The following NMT2 variants were observed in gnomAD, a reference collection of about 807,000 sequenced individuals.
The protein encoded by NMT2 is glycylpeptide N-tetradecanoyltransferase 2.
In NMT2, 35 loss-of-function variants were observed where a neutral mutation model predicts 65.4. The observed-to-expected ratio is 0.54, with a 90% CI of 0.41 to 0.71. NMT2 has a LOEUF of 0.71. NMT2 is among the 30% of genes least tolerant of loss of function. NMT2 has a pLI of 0.00. For synonymous variants in NMT2, 226 were observed against 231.8 expected, an observed-to-expected ratio of 0.98 and a Z score of 0.23; for missense variants, 489 against 611.3, an observed-to-expected ratio of 0.80 and a Z score of 2.11.
At chr10:15,148,293 T>C (rs750837118) in intron 1 of NMT2, among the ~76,000 whole-genome samples, 3 of 152,194 alleles carry the variant, frequency 2.0e-5, no homozygotes, top group Non-Finnish European at 2.9e-5. Context: ...GAGGGCTGCT[T>C]GAGTCCAGGA....
intron 8 of NMT2, among the ~76,000 whole-genome samples, chr10:15,126,120 G>A (rs949273037): frequency 1.3e-5 from 2 of 151,666 alleles, no homozygotes; most frequent in Non-Finnish European, 2.9e-5. Flanking sequence ...CTGTGATTTG[G>A]TTCTAACCAA....
chr10:15,154,026 C>G (rs763308038), intron 1 of NMT2, among the ~76,000 whole-genome samples: 10 of 152,212 alleles, frequency 6.6e-5, no homozygotes, highest in Non-Finnish European at 1.3e-4. Context: ...CAGCCGCTCA[C>G]AACACAAGCA....
intron 3 of NMT2, 71 bp downstream of exon 3, chr10:15,135,203 T>TGTC: frequency 7.5e-7 from 1 of 1,336,838 alleles, no homozygotes. Flanking sequence ...TTGTTGTTGT[T>TGTC]GTTGTTGTTG....
At chr10:15,135,735 A>G (rs1437879119) in intron 2 of NMT2, among the ~76,000 whole-genome samples, 5 of 152,070 alleles carry the variant, frequency 3.3e-5, no homozygotes, top group Non-Finnish European at 5.9e-5. Flanking sequence ...CGTGCAGTGC[A>G]TGCATTACTG....
At chr10:15,113,338 C>G (rs113204679) in intron 9 of NMT2, among the ~76,000 whole-genome samples, 8,445 of 151,436 alleles carry the variant, frequency 0.056, 255 homozygotes, top group East Asian at 0.088. Context: ...GGTGTGGTGG[C>G]GCACACCTGT....
Position 15,106,151 on chromosome 10 carries a change from G to C in NMT2, c.*3044C>G, listed in dbSNP as rs985242213. ...TGGGATTACAGGTGCACACCCCCAT[G>C]TCCGGCTAGTTTTTGTAATTTTAGT... On this transcript the variant is annotated 3_prime_UTR_variant, in exon 12 of 12. Transcript: ENST00000378165. 11 of 244,590 alleles carry C rather than the reference G, an allele frequency of 4.5e-5. No individual in the cohort carries two copies. The allele number at this position is 244,590 out of a possible 1,614,324, so 15.2% of individuals were successfully genotyped here. A position where few individuals can be genotyped will look rare whatever the true frequency, so the allele number is the denominator to read the frequency against.
At position 15,107,644 on chromosome 10, in the gene NMT2, G is replaced by A. The variant is rs946001770; in HGVS notation, c.*1551C>T. ...TTCTTTTTGAATTTTTAGTAGAGAT[G>A]GGGTTTCACCATGTTGGCCAGGCTG... On this transcript the variant is annotated 3_prime_UTR_variant, in exon 12 of 12. Coordinates refer to ENST00000378165, the MANE Select transcript of NMT2 (RefSeq NM_004808.3). 4 of 491,264 alleles carry A rather than the reference G, an allele frequency of 8.1e-6. No individual in the cohort carries two copies. Among genetic ancestry groups the A allele is most frequent in the Non-Finnish European group, 1.1e-5 (4 of 379,326 alleles). The allele number at this position is 491,264 out of a possible 1,614,324, so 30.4% of individuals were successfully genotyped here.
chr10:15,137,679 C>A (rs1300756540), intron 2 of NMT2, among the ~76,000 whole-genome samples: 1 of 152,194 alleles, frequency 6.6e-6, no homozygotes, highest in Non-Finnish European at 1.5e-5. Flanking sequence ...AATAGAACTA[C>A]AATGACTATA....
intron 2 of NMT2, among the ~76,000 whole-genome samples, chr10:15,136,998 G>A (rs575899941): frequency 5.9e-5 from 9 of 152,210 alleles, no homozygotes; most frequent in East Asian, 1.9e-4. Flanking sequence ...AATATTCTTC[G>A]CTGTAATTCA....
intron 8 of NMT2, among the ~76,000 whole-genome samples, chr10:15,120,319 G>A (rs73604523): frequency 0.07 from 10,710 of 152,144 alleles, 658 homozygotes; most frequent in African/African-American, 0.17. Flanking sequence ...TTAGCCAGGC[G>A]TGGTGACATG....
intron 1 of NMT2, among the ~76,000 whole-genome samples, chr10:15,153,336 G>A (rs1832869911): frequency 6.6e-6 from 1 of 152,240 alleles, no homozygotes; most frequent in African/African-American, 2.4e-5. Flanking sequence ...AGGATATGCT[G>A]TTAGTGAAAA....
intron 1 of NMT2, among the ~76,000 whole-genome samples, chr10:15,159,258 T>G (rs1833105691): frequency 6.6e-6 from 1 of 152,130 alleles, no homozygotes; most frequent in South Asian, 2.1e-4. Flanking sequence ...TGACAGAGAC[T>G]GAGACAGAAA....
intron 1 of NMT2, chr10:15,155,050 G>T: frequency 7.9e-7 from 1 of 1,263,580 alleles, no homozygotes. Context: ...GGACCTGTAT[G>T]CTTCAGAATG....
chr10:15,130,703 CAAAAAAAAA>C (rs974360507), intron 6 of NMT2, among the ~76,000 whole-genome samples: 6 of 28,634 alleles, frequency 2.1e-4, no homozygotes, highest in African/African-American at 3.7e-4. Flanking sequence ...GGCCCTGTCT[CAAAAAAAAA>C]AAAAAAAAAA....
At position 15,107,697 on chromosome 10, in the gene NMT2, C is replaced by T. The variant is rs529140271; in HGVS notation, c.*1498G>A. Reference sequence around the variant, plus strand: ...CTCGAACCCCTGACCTCAAATGTTTCGCCCGCCTTGGCCTCCCAAAGTGCT... The same window carrying T: ...CTCGAACCCCTGACCTCAAATGTTTTGCCCGCCTTGGCCTCCCAAAGTGCT... On this transcript the variant is annotated 3_prime_UTR_variant, in exon 12 of 12. Coordinates refer to ENST00000378165, the MANE Select transcript of NMT2 (RefSeq NM_004808.3). The T allele has an allele frequency of 1.7e-5, 15 of 860,966 alleles. No individual in the cohort carries two copies. The highest frequency in any genetic ancestry group is 1.2e-4 in the East Asian group (1 of 8,194). The allele number at this position is 860,966 out of a possible 1,614,324, so 53.3% of individuals were successfully genotyped here.
At position 15,148,683 on chromosome 10, in the gene NMT2, C is replaced by T. The variant is rs535166522; in HGVS notation, c.111-7126G>A. ...ATTGCTAGCTGGAACAGTATTGTCT[C>T]TCTCTAACTAGAACATAAGATCCAT... On this transcript the variant is annotated intron_variant, in intron 1 of 11. Transcript: ENST00000378165. Among the ~76,000 whole-genome samples, 469 of 152,250 alleles carry T rather than the reference C, an allele frequency of 3.1e-3. 3 individuals are homozygous for T. Among genetic ancestry groups the T allele is most frequent in the African/African-American group, 0.01 (434 of 41,530 alleles).
At chr10:15,151,227 T>A (rs1832792189) in intron 1 of NMT2, among the ~76,000 whole-genome samples, 5 of 152,162 alleles carry the variant, frequency 3.3e-5, no homozygotes. Flanking sequence ...CTGGCTAATT[T>A]TGTATTTTTA....
intron 1 of NMT2, chr10:15,155,041 G>A (rs935972785): frequency 6.5e-6 from 8 of 1,238,270 alleles, no homozygotes; most frequent in Non-Finnish European, 9.5e-6. Context: ...AAGATGCCAG[G>A]ACCTGTATGC....
rs895951652 is a variant in NMT2 at position 15,107,671 on chromosome 10, T to G, written c.*1524A>C. 4.5e-6 allele frequency: 3 copies of G among 662,856 alleles called. No individual in the cohort carries two copies. Among genetic ancestry groups the G allele is most frequent in the Non-Finnish European group, 5.6e-6 (3 of 535,904 alleles). 41.1% of individuals were successfully genotyped at this position (662,856 alleles called of 1,614,324 possible). ...GGTTTCACCATGTTGGCCAGGCTGG[T>G]CTCGAACCCCTGACCTCAAATGTTT... On this transcript the variant is annotated 3_prime_UTR_variant, in exon 12 of 12. Transcript: ENST00000378165.
Sources: gnomAD v4.1 joint callset for allele counts (sites outside exome capture counted in the v4.1 genomes callset) on GRCh38, gnomAD v4.1.1 for gene constraint, MANE v1.5 for transcripts, NCBI Gene and HGNC (gene_info 2026-07-23, HGNC 2026-07-21) for gene names.